Variants in PC observed in about 807,000 individuals in gnomAD.
PC encodes the protein pyruvate carboxylase.
A neutral mutation model predicts 107.8 loss-of-function variants in PC; 46 were observed. The observed-to-expected ratio is 0.43, with a 90% CI of 0.34 to 0.55. The LOEUF is 0.55. Ranked by LOEUF, PC falls within the 20% of genes least tolerant of loss-of-function variation. The pLI is 0.04. For synonymous variants in PC, 662 were observed against 684.7 expected (o/e 0.97, Z 0.52); for missense variants, 1,241 against 1,643.1 (o/e 0.76, Z 4.23).
At chr11:66,862,258 C>T (rs973239008) in intron 12 of PC, among the ~76,000 whole-genome samples, 14 of 152,176 alleles carry the variant, frequency 9.2e-5, no homozygotes, top group Non-Finnish European at 1.8e-4. Context: ...AGGCTCCCCA[C>T]GGAAGAGTAA....
At position 66,866,867 on chromosome 11, in the gene PC, C is replaced by T. The variant is rs887379014; in HGVS notation, c.1023-518G>A. 5.9e-5 allele frequency among the ~76,000 whole-genome samples: 9 copies of T among 152,256 alleles called. No homozygotes were observed. Among genetic ancestry groups the T allele is most frequent in the African/African-American group, 9.6e-5 (4 of 41,544 alleles). On this transcript the variant is annotated intron_variant, in intron 10 of 22. Coordinates refer to ENST00000393960, the MANE Select transcript of PC (RefSeq NM_001040716.2). The surrounding 1 kb of genome is among the most constrained non-coding windows in gnomAD (Gnocchi z 5.4). ...CAGGTGCTGTGAAGGCTGGGCTCCT[C>T]GAAATGGTAACCACAGCTGTGAGAG...
At chr11:66,952,582 C>G (rs569270371) in intron 2 of PC, 114 bp from the exon 3 acceptor site, 1 of 152,260 alleles carries the variant, frequency 6.6e-6, no homozygotes, top group East Asian at 1.9e-4. Flanking sequence ...AGTCTTGTTA[C>G]CCGGGCTGGA....
At chr11:66,882,203 C>T (rs1166805015) in intron 3 of PC, among the ~76,000 whole-genome samples, 1 of 152,266 alleles carries the variant, frequency 6.6e-6, no homozygotes, top group Non-Finnish European at 1.5e-5. Context: ...AGCACAGAAT[C>T]CTGCTGTCAG....
chr11:66,918,307 G>GGA (rs10680443), intron 3 of PC, among the ~76,000 whole-genome samples: 42,724 of 151,600 alleles, frequency 0.28, 6,421 homozygotes, highest in Middle Eastern at 0.36. Flanking sequence ...GGCTGAGGCA[G>GGA]GAGGATTGCT....
At chr11:66,885,450 C>CA in intron 3 of PC, among the ~76,000 whole-genome samples, 1 of 148,596 alleles carries the variant, frequency 6.7e-6, no homozygotes, top group East Asian at 2.0e-4. Context: ...GAGATGGCGC[C>CA]ATTGCACTCC....
At chr11:66,909,257 G>A (rs1413921771) in intron 3 of PC, among the ~76,000 whole-genome samples, 1 of 152,160 alleles carries the variant, frequency 6.6e-6, no homozygotes, top group Non-Finnish European at 1.5e-5. Flanking sequence ...GCTGGTGTGG[G>A]GCCAGAGCTG....
chr11:66,909,635 C>T (rs192872948), intron 3 of PC, among the ~76,000 whole-genome samples: 1 of 152,322 alleles, frequency 6.6e-6, no homozygotes, highest in African/African-American at 2.4e-5. Context: ...AGACACAGTC[C>T]CTGCCCTCCA....
chr11:66,851,370 C>T (rs1945479694), intron 16 of PC, 90 bp from the exon 17 acceptor site: 10 of 1,567,770 alleles, frequency 6.4e-6, no homozygotes, highest in South Asian at 1.1e-5. Context: ...CTCTATGGCC[C>T]CTGGGGAATG....
chr11:66,884,869 C>G (rs76844511), intron 3 of PC, among the ~76,000 whole-genome samples: 4,181 of 152,286 alleles, frequency 0.027, 87 homozygotes, highest in African/African-American at 0.046. Context: ...CAATTCTAAA[C>G]AGAACTGGAC....
chr11:66,898,223 C>A (rs1198638022), intron 3 of PC, among the ~76,000 whole-genome samples: 2 of 152,214 alleles, frequency 1.3e-5, no homozygotes, highest in Non-Finnish European at 2.9e-5. Context: ...GCACCTCCAC[C>A]CGGCCAAAGG....
At position 66,852,655 on chromosome 11, in the gene PC, G is replaced by A. The variant is rs780076825; in HGVS notation, c.1609C>T (p.Pro537Ser). The A allele has an allele frequency of 2.5e-6, 4 of 1,613,756 alleles. 1 individual carries two copies. Among genetic ancestry groups the A allele is most frequent in the South Asian group, 2.2e-5 (2 of 91,082 alleles). The change falls in exon 15 of 23, where the codon CCC becomes TCC. Residue 537 changes from proline to serine, a missense_variant. This residue lies in a region of PC where 1,143 missense variants were observed against 1,551.9 expected (regional missense o/e 0.74). Coordinates refer to ENST00000393960, the MANE Select transcript of PC (RefSeq NM_001040716.2). The surrounding 1 kb of genome is among the most constrained non-coding windows in gnomAD (Gnocchi z 4.7). ...PVVPAVPIGP[P>S]PAGFRDILLR... ...AGGATGTCTCTGAAACCAGCCGGGG[G>A]CGGGCCTAGGGTAGACAGGGGCATT...
At chr11:66,950,985 G>A (rs1223137107) in intron 3 of PC, among the ~76,000 whole-genome samples, 1 of 152,038 alleles carries the variant, frequency 6.6e-6, no homozygotes, top group East Asian at 1.9e-4. Context: ...GTTCTTCCAC[G>A]TTACGGCCAT....
At chr11:66,881,860 G>A (rs545137907) in intron 3 of PC, among the ~76,000 whole-genome samples, 3 of 152,288 alleles carry the variant, frequency 2.0e-5, no homozygotes, top group African/African-American at 4.8e-5. Flanking sequence ...GCAGGAGCTC[G>A]GACCCATCAG....
At chr11:66,911,198 CT>C (rs1948325087) in intron 3 of PC, among the ~76,000 whole-genome samples, 1 of 152,172 alleles carries the variant, frequency 6.6e-6, no homozygotes, top group Non-Finnish European at 1.5e-5. Flanking sequence ...AGGTAGAGAC[CT>C]AGACACAAGC....
intron 3 of PC, 93 bp from the exon 4 acceptor site, chr11:66,872,252 C>T (rs1333468555): frequency 2.8e-6 from 4 of 1,406,548 alleles, no homozygotes; most frequent in Non-Finnish European, 3.9e-6. Context: ...ACAGTGGCCC[C>T]ACAGAAAGGC....
chr11:66,947,411 G>A (rs952153617), intron 3 of PC, among the ~76,000 whole-genome samples: 6 of 151,646 alleles, frequency 4.0e-5, no homozygotes, highest in Admixed American at 1.3e-4. Flanking sequence ...GTGAAACCCC[G>A]TCTCTACTAA....
chr11:66,858,422 C>G lies in PC; in HGVS notation c.1369-5039G>C, dbSNP rs370566594. On this transcript the variant is annotated intron_variant, in intron 12 of 22. Transcript: ENST00000393960. The surrounding 1 kb of genome is among the most constrained non-coding windows in gnomAD (Gnocchi z 5.9). ...GTGATGCAGAGGCCTCTCCCGCCCC[C>G]CTGGTGCTGAGCTTTAGCGGGAACC... 70 of 1,555,198 alleles carry G rather than the reference C, an allele frequency of 4.5e-5. No homozygotes were observed. Among genetic ancestry groups the G allele is most frequent in the Admixed American group, 1.7e-4 (9 of 52,474 alleles).
At position 66,868,951 on chromosome 11, in the gene PC, T is replaced by A; in HGVS notation, c.917A>T (p.Asn306Ile). 1 of 1,613,536 alleles carries A rather than the reference T, an allele frequency of 6.2e-7. No individual in the cohort carries two copies. Among genetic ancestry groups the A allele is most frequent in the Non-Finnish European group, 8.5e-7 (1 of 1,179,798 alleles). The change falls in exon 10 of 23, where the codon AAC becomes ATC. Residue 306 changes from asparagine (N) to isoleucine (I), a missense_variant. This residue lies in a region of PC where 1,143 missense variants were observed against 1,551.9 expected (regional missense o/e 0.74). Transcript: ENST00000393960. ...CACCAGGAACTCCACGGTGCCTGCG[T>A]TCTCGTAGCCCACCTGTGGGGGCGG... is the stretch of plus-strand genomic sequence containing the variant. The part of the protein sequence containing the change: ...VKLAKQVGYE[N>I]AGTVEFLVDR...
At chr11:66,898,918 G>A (rs1385756347) in intron 3 of PC, among the ~76,000 whole-genome samples, 1 of 152,064 alleles carries the variant, frequency 6.6e-6, no homozygotes, top group African/African-American at 2.4e-5. Flanking sequence ...TGCCCGGGCT[G>A]GAGTGCTATG....
Sources: gnomAD v4.1 joint callset for allele counts (sites outside exome capture counted in the v4.1 genomes callset) on GRCh38, gnomAD v4.1.1 for gene constraint, gnomAD v4.1.1 regional missense constraint, Gnocchi (gnomAD v3.1) non-coding constraint, MANE v1.5 for transcripts, NCBI Gene and HGNC (gene_info 2026-07-23, HGNC 2026-07-21) for gene names.